DHX34: variants seen among roughly 807,000 people sequenced by gnomAD.
DHX34 encodes the protein DExH-box helicase 34, also known as probable ATP-dependent RNA helicase DHX34.
Under a neutral mutation model 111.1 loss-of-function variants are expected in DHX34, and 96 were observed. The ratio of observed to expected loss-of-function variants is 0.86; its 90% CI spans 0.73 to 1.02. The LOEUF is 1.02. Among genes scored for constraint, DHX34 ranks in the 50% least tolerant of loss-of-function variants. DHX34 has a pLI of 0.00. For synonymous variants in DHX34, 688 were observed against 670.4 expected, an observed-to-expected ratio of 1.03 and a Z score of -0.41; for missense variants, 1,560 against 1,579.9, an observed-to-expected ratio of 0.99 and a Z score of 0.21.
At chr19:47,371,032 G>A (rs529122777) in intron 7 of DHX34, among the ~76,000 whole-genome samples, 1 of 152,324 alleles carries the variant, frequency 6.6e-6, no homozygotes, top group Non-Finnish European at 1.5e-5. Flanking sequence ...CTGAGAAGCA[G>A]AAGAATGTTC....
chr19:47,382,325 C>G lies in DHX34; in HGVS notation c.*212C>G. ...TGCCCATCCAGAAAGCAGCAGCTGC[C>G]TTGTTAGTCCTCCCCAGGGTCTAGC... is the stretch of plus-strand genomic sequence containing the variant. On this transcript the variant is annotated 3_prime_UTR_variant, in exon 17 of 17. Transcript: ENST00000328771. The G allele has an allele frequency of 1.2e-6, 1 of 834,590 alleles. No homozygotes were observed. Among genetic ancestry groups the G allele is most frequent in the South Asian group, 2.1e-5 (1 of 47,928 alleles). 51.7% of individuals were successfully genotyped at this position (834,590 alleles called of 1,614,324 possible). A position where few individuals can be genotyped will look rare whatever the true frequency, so the allele number is the denominator to read the frequency against.
At chr19:47,381,928 G>A (rs1970372912) in intron 16 of DHX34, 52 bp from the exon 17 acceptor site, 3 of 1,612,204 alleles carry the variant, frequency 1.9e-6, no homozygotes, top group Non-Finnish European at 2.5e-6. Flanking sequence ...GGTGCAGGTA[G>A]ACCTGTGCAC....
chr19:47,349,727 G>T (rs1969227281), intron 1 of DHX34, among the ~76,000 whole-genome samples: 1 of 152,058 alleles, frequency 6.6e-6, no homozygotes, highest in Non-Finnish European at 1.5e-5. Context: ...GGTCGCCCAT[G>T]AACTTGGGGA....
chr19:47,371,352 G>A (rs1969960257), intron 7 of DHX34, among the ~76,000 whole-genome samples: 1 of 152,254 alleles, frequency 6.6e-6, no homozygotes, highest in African/African-American at 2.4e-5. Context: ...CCTGTGCTGG[G>A]CGTCCTCTGT....
rs200529916 is a variant in DHX34 at position 47,353,164 on chromosome 19, G to T, written c.134G>T (p.Arg45Leu). 2.6e-5 allele frequency: 42 copies of T among 1,614,042 alleles called. No individual in the cohort carries two copies. The highest frequency in any genetic ancestry group is 3.2e-5 in the Non-Finnish European group (38 of 1,180,040). Residue 45 changes from arginine (R) to leucine (L), a missense_variant, in exon 2 of 17, where the codon CGT becomes CTT. By Grantham distance (102) the Arg-to-Leu change is moderately radical. Coordinates refer to ENST00000328771, the MANE Select transcript of DHX34 (RefSeq NM_014681.6). This position sits in a 1 kb window ranked among gnomAD's most constrained non-coding sequence, Gnocchi z 4.6. ...TRRLLEDAFF[R>L]EEDYIRQGSE... ...CGCCTCTTGGAAGATGCCTTCTTCC[G>T]TGAAGAGGATTACATCCGTCAGGGT...
chr19:47,366,954 T>C (rs754423408), intron 6 of DHX34, 27 bp from the exon 7 acceptor site: 7 of 1,534,760 alleles, frequency 4.6e-6, no homozygotes, highest in Non-Finnish European at 6.1e-6. Context: ...TGTTCCCCAA[T>C]CTTGGGGGTT....
chr19:47,352,359 T>G (rs948200417), intron 1 of DHX34, among the ~76,000 whole-genome samples: 7 of 152,194 alleles, frequency 4.6e-5, no homozygotes, highest in African/African-American at 1.7e-4. Context: ...GTTCAGTGCT[T>G]AAGAAACAGG....
chr19:47,382,286 G>A lies in DHX34; in HGVS notation c.*173G>A. ...AAAGCCTCACATGCTGATACACACTGTTAGGCCTGCACCTGCCCATCCAGA... is the reference window on the plus strand; with the variant it reads ...AAAGCCTCACATGCTGATACACACTATTAGGCCTGCACCTGCCCATCCAGA... On this transcript the variant is annotated 3_prime_UTR_variant, in exon 17 of 17. Transcript: ENST00000328771. The A allele has an allele frequency of 8.3e-7, 1 of 1,210,514 alleles. No homozygotes were observed. The highest frequency in any genetic ancestry group is 1.7e-5 in the South Asian group (1 of 60,012). The allele number at this position is 1,210,514 out of a possible 1,614,324, so 75.0% of individuals were successfully genotyped here.
Position 47,382,680 on chromosome 19 carries a change from A to AAAT in DHX34, c.*570_*572dup, listed in dbSNP as rs1599782877. ...ATGGTTGCTCACTCCCGTAATAAAA[A>AAAT]AATAAAAGAACAGGCTGAGCCGGGC... On this transcript the variant is annotated 3_prime_UTR_variant, in exon 17 of 17. Transcript: ENST00000328771. 1.3e-5 allele frequency: 2 copies of AAAT among 152,538 alleles called. No individual in the cohort carries two copies. The highest frequency in any genetic ancestry group is 1.3e-4 in the Admixed American group (2 of 15,246). The allele number at this position is 152,538 out of a possible 1,614,324, so 9.4% of individuals were successfully genotyped here. A position where few individuals can be genotyped will look rare whatever the true frequency, so the allele number is the denominator to read the frequency against.
chr19:47,375,873 G>A lies in DHX34; in HGVS notation c.2308-51G>A, dbSNP rs767789310. 1.7e-5 allele frequency: 26 copies of A among 1,546,646 alleles called. No individual in the cohort carries two copies. In the Admixed American group the frequency reaches 5.1e-4, roughly 30 times the overall value. On this transcript the variant is annotated intron_variant, in intron 10 of 16. Transcript: ENST00000328771. ...AGAGCCTGGGGGTCTGCGGATCATGGTAGGAGCCCCTCAGGTCCCCTAAGA... is the reference window on the plus strand; with the variant it reads ...AGAGCCTGGGGGTCTGCGGATCATGATAGGAGCCCCTCAGGTCCCCTAAGA...
At position 47,380,834 on chromosome 19, in the gene DHX34, C is replaced by T. The variant is rs145868005; in HGVS notation, c.3001C>T (p.Arg1001Trp). Residue 1001 changes from arginine (R) to tryptophan (W), a missense_variant, in exon 15 of 17, where the codon CGG (arginine) becomes TGG (tryptophan). By Grantham distance (101) the Arg-to-Trp change is moderately radical. Transcript: ENST00000328771. ...TCCTTAGATTCCTTACAGCCTCCGGCGGCTCACAGGGCTAGAAGTCCAGAA... is the reference window on the plus strand; with the variant it reads ...TCCTTAGATTCCTTACAGCCTCCGGTGGCTCACAGGGCTAGAAGTCCAGAA... ...TASKIPYSLR[R>W]LTGLEVQNMY... The T allele has an allele frequency of 2.2e-5, 35 of 1,613,830 alleles. No individual in the cohort carries two copies. Among genetic ancestry groups the T allele is most frequent in the Middle Eastern group, 3.3e-4 (2 of 6,080 alleles).
In DHX34 at chr19:47,362,638, C is replaced by T; in HGVS notation, c.1538C>T (p.Ala513Val). The T allele has an allele frequency of 1.2e-6, 2 of 1,613,636 alleles. No individual in the cohort carries two copies. The highest frequency in any genetic ancestry group is 4.5e-5 in the East Asian group (2 of 44,858). ...GCCGAATCGGACTATGATGCCTTCGCCCCCTACCCCGTCCCAGAAATTCGG... is the reference window on the plus strand; with the variant it reads ...GCCGAATCGGACTATGATGCCTTCGTCCCCTACCCCGTCCCAGAAATTCGG... ...LYAESDYDAF[A>V]PYPVPEIRRV... Residue 513 changes from alanine to valine, a missense_variant, in exon 6 of 17, where the codon GCC becomes GTC. Transcript: ENST00000328771.
chr19:47,354,543 G>A (rs963740973), intron 2 of DHX34, among the ~76,000 whole-genome samples: 2 of 152,194 alleles, frequency 1.3e-5, no homozygotes, highest in Non-Finnish European at 2.9e-5. Context: ...GGATGGCATT[G>A]CCTGCCCAAG....
chr19:47,370,160 G>A (rs1237291810), intron 7 of DHX34, among the ~76,000 whole-genome samples: 2 of 152,162 alleles, frequency 1.3e-5, no homozygotes, highest in South Asian at 2.1e-4. Context: ...AGAATGTGAC[G>A]CAAAGTGCCC....
rs1568406044 is a variant in DHX34 at position 47,376,424 on chromosome 19, T to C, written c.2482-19T>C. On this transcript the variant is annotated intron_variant, in intron 11 of 16. Transcript: ENST00000328771. ...GAGAGCAGATAGGAGGGCTTGTGCT[T>C]TCTCTCTGTCCTCCGCAGATTTTCC... The C allele has an allele frequency of 1.2e-6, 2 of 1,607,114 alleles. No individual in the cohort carries two copies. Among genetic ancestry groups the C allele is most frequent in the Admixed American group, 1.7e-5 (1 of 59,328 alleles).
At chr19:47,355,471 T>A in intron 3 of DHX34, 121 bp downstream of exon 3, 1 of 1,423,116 alleles carries the variant, frequency 7.0e-7, no homozygotes. Context: ...GATGTTCTCT[T>A]TTTTTAAAGC....
In DHX34 at chr19:47,352,882, T is replaced by G; in HGVS notation, c.-149T>G. On this transcript the variant is annotated 5_prime_UTR_variant, in exon 2 of 17. Coordinates refer to ENST00000328771, the MANE Select transcript of DHX34 (RefSeq NM_014681.6). ...CACTTTATCATCTGTGGTGGTCCTG[T>G]GCCGTGACCAGGAGGAAAAATTAGC... 1 of 1,426,202 alleles carries G rather than the reference T, an allele frequency of 7.0e-7. No homozygotes were observed. The allele number at this position is 1,426,202 out of a possible 1,614,324, so 88.3% of individuals were successfully genotyped here.
At chr19:47,360,092 T>C in intron 5 of DHX34, 22 bp downstream of exon 5, 2 of 1,608,770 alleles carry the variant, frequency 1.2e-6, no homozygotes, top group Non-Finnish European at 1.7e-6. Context: ...CATGAGCCCC[T>C]ACCCACCACC....
rs764158084 is a variant in DHX34, at chr19:47,357,849, G to A, written c.1018-17G>A. The A allele has an allele frequency of 1.1e-5, 18 of 1,605,818 alleles. No homozygotes were observed. The South Asian group carries it at 1.8e-4, about 16-fold the overall frequency. On this transcript the variant is annotated splice_polypyrimidine_tract_variant and intron_variant, in intron 3 of 16. Transcript: ENST00000328771. ...GAGGGACAGGGTGTGCTTCTACCTGGGGCTGTCTCCTCTCAGGTTGTGTAC... is the reference window on the plus strand; with the variant it reads ...GAGGGACAGGGTGTGCTTCTACCTGAGGCTGTCTCCTCTCAGGTTGTGTAC...
Sources: gnomAD v4.1 joint callset for allele counts (sites outside exome capture counted in the v4.1 genomes callset) on GRCh38, gnomAD v4.1.1 for gene constraint, Gnocchi (gnomAD v3.1) non-coding constraint, MANE v1.5 for transcripts, NCBI Gene and HGNC (gene_info 2026-07-23, HGNC 2026-07-21) for gene names.